Variants in SAMD12 observed in about 807,000 individuals in gnomAD.
SAMD12 encodes the protein sterile alpha motif domain containing 12, also known as sterile alpha motif domain-containing protein 12.
SAMD12 carries 9 observed loss-of-function variants against 15.0 expected under a neutral mutation model. That is an observed-to-expected ratio of 0.60 (90% CI 0.36 to 1.05). The LOEUF (loss-of-function observed/expected upper bound fraction) is 1.05, where lower values mean the gene tolerates loss of function less well. Ranked by LOEUF, SAMD12 falls within the 50% of genes least tolerant of loss-of-function variation. SAMD12 has a pLI of 0.01. For missense variants in SAMD12, 230 were observed against 234.2 expected (o/e 0.98, Z 0.12); for synonymous variants, 86 against 90.1 (o/e 0.96, Z 0.25).
chr8:118,390,070 G>A (rs12542056), intron 3 of SAMD12, among the ~76,000 whole-genome samples: 37,351 of 151,902 alleles, frequency 0.25, 4,724 homozygotes, highest in Admixed American at 0.27. Flanking sequence ...GCAGTGGCAC[G>A]ATCTTGGCTC....
intron 3 of SAMD12, among the ~76,000 whole-genome samples, chr8:118,410,698 G>C (rs1821367600): frequency 6.6e-6 from 1 of 152,274 alleles, no homozygotes; most frequent in African/African-American, 2.4e-5. Context: ...CTGTCGGCCA[G>C]GTGAATACCC....
At chr8:118,273,633 T>G (rs1057004581) in intron 4 of SAMD12, among the ~76,000 whole-genome samples, 5 of 152,150 alleles carry the variant, frequency 3.3e-5, no homozygotes, top group African/African-American at 1.2e-4. Flanking sequence ...CATGATGAAC[T>G]CTGAGACATT....
intron 4 of SAMD12, among the ~76,000 whole-genome samples, chr8:118,308,580 A>G (rs1231780607): frequency 6.6e-6 from 1 of 152,214 alleles, no homozygotes; most frequent in South Asian, 2.1e-4. Flanking sequence ...ATCATCACAC[A>G]ATATTTTCCC....
chr8:118,351,973 A>G (rs1210667769), intron 4 of SAMD12, among the ~76,000 whole-genome samples: 1 of 152,202 alleles, frequency 6.6e-6, no homozygotes, highest in Non-Finnish European at 1.5e-5. Flanking sequence ...TTATCCAACC[A>G]ATGTATTTGG....
At chr8:118,526,800 C>T (rs1380894906) in intron 2 of SAMD12, among the ~76,000 whole-genome samples, 2 of 152,116 alleles carry the variant, frequency 1.3e-5, no homozygotes, top group African/African-American at 4.8e-5. Flanking sequence ...CCATACAGTC[C>T]ATAGACACAG....
chr8:118,551,952 A>C (rs1056903174), intron 2 of SAMD12, among the ~76,000 whole-genome samples: 3 of 151,380 alleles, frequency 2.0e-5, no homozygotes, highest in Non-Finnish European at 3.0e-5. Flanking sequence ...TCCTCGACAC[A>C]TACACTCTCC....
At chr8:118,293,838 G>A (rs1224693320) in intron 4 of SAMD12, among the ~76,000 whole-genome samples, 3 of 152,132 alleles carry the variant, frequency 2.0e-5, no homozygotes, top group Non-Finnish European at 2.9e-5. Flanking sequence ...TGGATAAGAT[G>A]TGGCAGGAAG....
chr8:118,458,248 T>C lies in SAMD12; in HGVS notation c.193-18287A>G, dbSNP rs910819242. The stretch of plus-strand genomic sequence containing the variant: ...TTTTCTTTTTAATAAGCTTCCCTTT[T>C]CATTTTTTAATTCCATTTCCATTTT... On this transcript the variant is annotated intron_variant, in intron 2 of 3. Coordinates refer to ENST00000314727, the MANE Select transcript of SAMD12 (RefSeq NM_207506.3). Among the ~76,000 whole-genome samples the C allele has an allele frequency of 7.2e-5, 11 of 152,238 alleles. No homozygotes were observed. The East Asian group carries it at 2.1e-3, about 29-fold the overall frequency.
intron 4 of SAMD12, among the ~76,000 whole-genome samples, chr8:118,209,959 A>G (rs1819973022): frequency 6.6e-6 from 1 of 152,194 alleles, no homozygotes; most frequent in Non-Finnish European, 1.5e-5. Flanking sequence ...AGCCAAGGAT[A>G]TGGTAATTAC....
the SAMD12 span, among the ~76,000 whole-genome samples, chr8:118,134,711 TG>T: frequency 1.3e-5 from 2 of 152,152 alleles, no homozygotes; most frequent in African/African-American, 4.8e-5. Context: ...TTTCTTGGTT[TG>T]TGGTCAGGCA....
At chr8:118,331,724 G>C (rs1370192588) in intron 4 of SAMD12, among the ~76,000 whole-genome samples, 2 of 152,168 alleles carry the variant, frequency 1.3e-5, no homozygotes, top group African/African-American at 4.8e-5. Context: ...TATTAATCTT[G>C]AAACAAGAGG....
chr8:118,534,589 G>A (rs186586445), intron 2 of SAMD12, among the ~76,000 whole-genome samples: 195 of 152,252 alleles, frequency 1.3e-3, no homozygotes, highest in Admixed American at 7.1e-3. Context: ...CCAATCAGAC[G>A]TAGATCTTGT....
At chr8:118,255,128 G>A (rs746231628) in intron 4 of SAMD12, among the ~76,000 whole-genome samples, 8 of 151,920 alleles carry the variant, frequency 5.3e-5, no homozygotes, top group South Asian at 2.1e-4. Flanking sequence ...AATACAGACC[G>A]TGGGGGCAGA....
At chr8:118,496,240 C>A (rs1391920407) in intron 2 of SAMD12, among the ~76,000 whole-genome samples, 1 of 151,980 alleles carries the variant, frequency 6.6e-6, no homozygotes, top group East Asian at 1.9e-4. Context: ...AAAATAATAA[C>A]CCATAATGGC....
At chr8:118,430,950 C>G (rs1410936252) in intron 3 of SAMD12, among the ~76,000 whole-genome samples, 1 of 151,982 alleles carries the variant, frequency 6.6e-6, no homozygotes, top group Non-Finnish European at 1.5e-5. Context: ...ATTCATTGCT[C>G]TTGTTTCTCT....
At chr8:118,287,194 G>T (rs542315277) in intron 4 of SAMD12, among the ~76,000 whole-genome samples, 1 of 147,194 alleles carries the variant, frequency 6.8e-6, no homozygotes. Context: ...GCTCTATCTC[G>T]GCTCACTGCA....
intron 2 of SAMD12, among the ~76,000 whole-genome samples, chr8:118,554,229 C>A (rs1350543821): frequency 1.3e-5 from 2 of 152,182 alleles, no homozygotes; most frequent in Non-Finnish European, 2.9e-5. Context: ...AAGACACATG[C>A]ACACGTATGT....
chr8:118,353,438 C>T (rs1253843153), intron 4 of SAMD12, among the ~76,000 whole-genome samples: 2 of 151,830 alleles, frequency 1.3e-5, no homozygotes, highest in African/African-American at 4.8e-5. Flanking sequence ...ATGAGATTAG[C>T]GCCCTTGTAA....
At chr8:118,552,692 A>G (rs557119970) in intron 2 of SAMD12, among the ~76,000 whole-genome samples, 2 of 152,200 alleles carry the variant, frequency 1.3e-5, no homozygotes, top group Non-Finnish European at 2.9e-5. Flanking sequence ...GCAATTAGGC[A>G]GGAGAAGGAA....
Sources: gnomAD v4.1 joint callset for allele counts (sites outside exome capture counted in the v4.1 genomes callset) on GRCh38, gnomAD v4.1.1 for gene constraint, MANE v1.5 for transcripts, NCBI Gene and HGNC (gene_info 2026-07-23, HGNC 2026-07-21) for gene names.